Variants in GDPD4 observed in about 807,000 individuals in gnomAD.
The protein encoded by GDPD4 is glycerophosphodiester phosphodiesterase domain containing 4, also known as glycerophosphodiester phosphodiesterase 6.
Under a neutral mutation model 67.8 loss-of-function variants are expected in GDPD4, and 60 were observed. The observed-to-expected ratio is 0.88, with a 90% CI of 0.72 to 1.10. GDPD4 has a LOEUF of 1.10. Among genes scored for constraint, GDPD4 ranks in the 50% least tolerant of loss-of-function variants. GDPD4 has a pLI of 0.00. For missense variants in GDPD4, 623 were observed against 613.9 expected (o/e 1.01, Z -0.16); for synonymous variants, 212 against 210.9 (o/e 1.00, Z -0.04).
At chr11:77,245,762 CT>C (rs1394282519) in intron 11 of GDPD4, among the ~76,000 whole-genome samples, 1 of 152,186 alleles carries the variant, frequency 6.6e-6, no homozygotes, top group Non-Finnish European at 1.5e-5. Context: ...CCTGACCTTC[CT>C]TTCCAGCCTT....
intron 11 of GDPD4, among the ~76,000 whole-genome samples, chr11:77,248,047 G>A (rs1290241758): frequency 6.5e-5 from 5 of 76,932 alleles, no homozygotes; most frequent in Non-Finnish European, 1.3e-4. Flanking sequence ...GTGAAACTCC[G>A]TCTCAAAAAA....
intron 12 of GDPD4, among the ~76,000 whole-genome samples, 200 bp downstream of exon 12, chr11:77,245,081 C>A (rs1478410650): frequency 5.9e-5 from 9 of 152,156 alleles, no homozygotes; most frequent in Admixed American, 3.9e-4. Context: ...CAATGATTTT[C>A]CCCACTGAGA....
intron 10 of GDPD4, among the ~76,000 whole-genome samples, chr11:77,263,299 G>C (rs760780407): frequency 1.3e-5 from 2 of 152,130 alleles, no homozygotes; most frequent in Non-Finnish European, 2.9e-5. Context: ...AATGAGGTTC[G>C]TGATAGCACC....
chr11:77,255,547 G>C (rs944654641), intron 11 of GDPD4, among the ~76,000 whole-genome samples: 3 of 152,134 alleles, frequency 2.0e-5, no homozygotes, highest in African/African-American at 7.2e-5. Context: ...CTGGGTGACA[G>C]TGAAACTCCG....
At chr11:77,279,872 A>T (rs1959677574) in intron 3 of GDPD4, among the ~76,000 whole-genome samples, 1 of 152,204 alleles carries the variant, frequency 6.6e-6, no homozygotes. Context: ...CATATGAGAG[A>T]AAATTGTTAA....
intron 1 of GDPD4, among the ~76,000 whole-genome samples, chr11:77,290,079 A>T (rs1168746686): frequency 6.6e-6 from 1 of 152,216 alleles, no homozygotes; most frequent in Non-Finnish European, 1.5e-5. Flanking sequence ...ATTTAACCGA[A>T]AAAGGTCTTC....
At chr11:77,293,363 G>A (rs1164761197) in intron 1 of GDPD4, among the ~76,000 whole-genome samples, 1 of 152,186 alleles carries the variant, frequency 6.6e-6, no homozygotes, top group Admixed American at 6.5e-5. Context: ...GGAGGCTGAG[G>A]CAGGCAGACT....
chr11:77,239,360 G>C (rs1174518317), intron 13 of GDPD4, among the ~76,000 whole-genome samples: 1 of 152,158 alleles, frequency 6.6e-6, no homozygotes, highest in Non-Finnish European at 1.5e-5. Flanking sequence ...GCAAGAGAAA[G>C]AAAGAAAAGG....
intron 16 of GDPD4, among the ~76,000 whole-genome samples, chr11:77,225,518 C>T (rs883680): frequency 0.21 from 31,617 of 152,022 alleles, 4,154 homozygotes; most frequent in Non-Finnish European, 0.29. Context: ...CTCACATGCA[C>T]GCACACGCAC....
intron 13 of GDPD4, among the ~76,000 whole-genome samples, chr11:77,240,466 T>A (rs890684186): frequency 6.6e-6 from 1 of 152,144 alleles, no homozygotes; most frequent in East Asian, 1.9e-4. Context: ...CCTTATCTCA[T>A]ACCACATACA....
At chr11:77,300,499 T>C (rs1591591164) in intron 1 of GDPD4, among the ~76,000 whole-genome samples, 1 of 151,504 alleles carries the variant, frequency 6.6e-6, no homozygotes, top group East Asian at 1.9e-4. Flanking sequence ...AATGGACAAA[T>C]GCATAATCAT....
chr11:77,221,473 CTTCAT>C (rs1036719735), intron 16 of GDPD4, among the ~76,000 whole-genome samples: 1 of 152,076 alleles, frequency 6.6e-6, no homozygotes, highest in Non-Finnish European at 1.5e-5. Context: ...TTATTTCTGC[CTTCAT>C]TTCGTTATGT....
At chr11:77,260,962 G>A (rs566035126) in intron 10 of GDPD4, among the ~76,000 whole-genome samples, 100 of 152,222 alleles carry the variant, frequency 6.6e-4, no homozygotes, top group African/African-American at 2.3e-3. Context: ...TCCTAAAAAA[G>A]AAGGGAGGTG....
At chr11:77,220,696 G>T (rs1958209281) in intron 16 of GDPD4, among the ~76,000 whole-genome samples, 1 of 152,140 alleles carries the variant, frequency 6.6e-6, no homozygotes, top group Admixed American at 6.5e-5. Context: ...CCAGGCTTTG[G>T]TATCAGGATG....
intron 13 of GDPD4, among the ~76,000 whole-genome samples, chr11:77,235,111 T>G (rs987448260): frequency 2.7e-5 from 4 of 150,596 alleles, no homozygotes; most frequent in African/African-American, 9.8e-5. Context: ...ATCTCTCTGA[T>G]GATTAGTGAT....
intron 4 of GDPD4, among the ~76,000 whole-genome samples, chr11:77,276,769 A>G (rs1034116621): frequency 6.6e-6 from 1 of 152,346 alleles, no homozygotes; most frequent in Admixed American, 6.5e-5. Flanking sequence ...GAAATTGAGA[A>G]CTGGAGTCCT....
At chr11:77,236,823 A>G (rs1958578871) in intron 13 of GDPD4, among the ~76,000 whole-genome samples, 1 of 152,230 alleles carries the variant, frequency 6.6e-6, no homozygotes, top group Non-Finnish European at 1.5e-5. Flanking sequence ...AGATAGCAGT[A>G]TAAGGAACCA....
chr11:77,287,986 T>C lies in GDPD4; in HGVS notation c.-253-566A>G, dbSNP rs1478196176. 5.3e-5 allele frequency among the ~76,000 whole-genome samples: 8 copies of C among 152,076 alleles called. No homozygotes were observed. In the East Asian group the frequency reaches 1.2e-3, roughly 22 times the overall value. On this transcript the variant is annotated intron_variant, in intron 1 of 16. Coordinates refer to ENST00000315938, the MANE Select transcript of GDPD4 (RefSeq NM_182833.3). Reference sequence around the variant, plus strand: ...TTGCCAACAAAAAATATTTCAGAGATAGAACAAAATATGTAGCATGTGGCT... The same window carrying C: ...TTGCCAACAAAAAATATTTCAGAGACAGAACAAAATATGTAGCATGTGGCT...
chr11:77,294,960 CTTTTTTT>C (rs144796072), intron 1 of GDPD4, among the ~76,000 whole-genome samples: 31 of 66,396 alleles, frequency 4.7e-4, no homozygotes, highest in East Asian at 2.8e-3. Context: ...TACAACTTTG[CTTTTTTT>C]TTTTTTTTTT....
Sources: gnomAD v4.1 joint callset for allele counts (sites outside exome capture counted in the v4.1 genomes callset) on GRCh38, gnomAD v4.1.1 for gene constraint, MANE v1.5 for transcripts, NCBI Gene and HGNC (gene_info 2026-07-23, HGNC 2026-07-21) for gene names.